ADAMTS19: variants seen among roughly 807,000 people sequenced by gnomAD.
ADAMTS19 encodes the protein ADAM metallopeptidase with thrombospondin type 1 motif 19.
Under a neutral mutation model 153.3 loss-of-function variants are expected in ADAMTS19, and 93 were observed. That is an observed-to-expected ratio of 0.61 (90% confidence interval 0.51 to 0.72). The LOEUF (loss-of-function observed/expected upper bound fraction) is 0.72, where lower values mean the gene tolerates loss of function less well. Among genes scored for constraint, ADAMTS19 ranks in the 30% least tolerant of loss-of-function variants. The pLI is 0.00. For synonymous variants in ADAMTS19, 600 were observed against 556.6 expected (o/e 1.08, Z -1.10); for missense variants, 1,482 against 1,552.1 (o/e 0.95, Z 0.76).
chr5:129,475,515 T>C (rs938967439), intron 2 of ADAMTS19, among the ~76,000 whole-genome samples: 1 of 152,218 alleles, frequency 6.6e-6, no homozygotes, highest in Non-Finnish European at 1.5e-5. Flanking sequence ...TTAAGTCCTT[T>C]AATTTTAATT....
intron 15 of ADAMTS19, among the ~76,000 whole-genome samples, chr5:129,662,887 C>CTTTTT (rs545012539): frequency 2.4e-5 from 3 of 125,418 alleles, no homozygotes; most frequent in African/African-American, 3.6e-5. Context: ...GATTCTTCTT[C>CTTTTT]ATTTTTTTTT....
Position 129,669,373 on chromosome 5 carries a change from T to C in ADAMTS19, c.2506+3794T>C, listed in dbSNP as rs551111333. On this transcript the variant is annotated intron_variant, in intron 16 of 22. Transcript: ENST00000274487. ...TGTTTTGGGAAGTTTGTACATTTCATCTAGGTTATCTAATTTATGGTCCTA... is the reference window on the plus strand; with the variant it reads ...TGTTTTGGGAAGTTTGTACATTTCACCTAGGTTATCTAATTTATGGTCCTA... Among the ~76,000 whole-genome samples, 3 of 152,242 alleles carry C rather than the reference T, an allele frequency of 2.0e-5. No homozygotes were observed. In the East Asian group the frequency reaches 5.8e-4, roughly 29 times the overall value.
intron 7 of ADAMTS19, among the ~76,000 whole-genome samples, chr5:129,590,294 A>G (rs1044258110): frequency 6.6e-6 from 1 of 152,132 alleles, no homozygotes; most frequent in Non-Finnish European, 1.5e-5. Context: ...GCACCTGGGA[A>G]TTATCTTTTC....
chr5:129,683,330 G>A (rs1754912749), intron 17 of ADAMTS19, among the ~76,000 whole-genome samples: 1 of 151,874 alleles, frequency 6.6e-6, no homozygotes, highest in Admixed American at 6.6e-5. Flanking sequence ...AAACAGACAT[G>A]GTCCCTGCAT....
At chr5:129,716,451 G>A (rs1197205355) in intron 21 of ADAMTS19, among the ~76,000 whole-genome samples, 1 of 152,032 alleles carries the variant, frequency 6.6e-6, no homozygotes, top group East Asian at 1.9e-4. Context: ...TGGCTGCCTT[G>A]GCTTCCCAAA....
At chr5:129,534,241 T>C (rs1024415828) in intron 6 of ADAMTS19, among the ~76,000 whole-genome samples, 1 of 152,140 alleles carries the variant, frequency 6.6e-6, no homozygotes, top group Non-Finnish European at 1.5e-5. Context: ...AGTCTCTTTG[T>C]AGGTCACTAA....
At chr5:129,647,719 C>T in intron 11 of ADAMTS19, 46 bp from the exon 12 acceptor site, 1 of 1,588,326 alleles carries the variant, frequency 6.3e-7, no homozygotes, top group Non-Finnish European at 8.6e-7. Flanking sequence ...GAATGATTTT[C>T]AGTTGTGCCC....
chr5:129,547,004 G>T lies in ADAMTS19; in HGVS notation c.1329-4860G>T, dbSNP rs535864505. Among the ~76,000 whole-genome samples, 140 of 151,004 alleles carry T rather than the reference G, an allele frequency of 9.3e-4. 2 individuals are homozygous for T. Among genetic ancestry groups the T allele is most frequent in the Non-Finnish European group, 1.5e-3 (105 of 68,006 alleles). On this transcript the variant is annotated intron_variant, in intron 6 of 22. Coordinates refer to ENST00000274487, the MANE Select transcript of ADAMTS19 (RefSeq NM_133638.6). Reference sequence around the variant, plus strand: ...AGCTTTAGACATTCTAAGGATATGTGGTAGGCAGGAAAAGTAACATCCCCT... The same window carrying T: ...AGCTTTAGACATTCTAAGGATATGTTGTAGGCAGGAAAAGTAACATCCCCT...
At chr5:129,580,088 T>G (rs1477093238) in intron 7 of ADAMTS19, among the ~76,000 whole-genome samples, 1 of 152,222 alleles carries the variant, frequency 6.6e-6, no homozygotes, top group East Asian at 1.9e-4. Context: ...TTTTTCCATT[T>G]GTTTGTGTCC....
intron 7 of ADAMTS19, among the ~76,000 whole-genome samples, chr5:129,591,920 GT>G (rs997443119): frequency 2.0e-5 from 3 of 152,094 alleles, no homozygotes; most frequent in Non-Finnish European, 4.4e-5. Context: ...ATCCTGGAGG[GT>G]TTTAGGAGTC....
chr5:129,595,885 C>G (rs1750351194), intron 7 of ADAMTS19, among the ~76,000 whole-genome samples: 1 of 151,830 alleles, frequency 6.6e-6, no homozygotes, highest in Non-Finnish European at 1.5e-5. Context: ...TAAAGAATAT[C>G]AAGGAGTTTA....
chr5:129,711,904 A>T (rs762614648), intron 21 of ADAMTS19, among the ~76,000 whole-genome samples: 2 of 152,092 alleles, frequency 1.3e-5, no homozygotes, highest in African/African-American at 2.4e-5. Context: ...TATACCAAAG[A>T]TCGCTTTTGC....
rs1319568270 is a variant in ADAMTS19, at chr5:129,658,312, AG to A, written c.2305-304del. Among the ~76,000 whole-genome samples, 104 of 25,120 alleles carry A rather than the reference AG, an allele frequency of 4.1e-3. 3 individuals carry two copies. The highest frequency in any genetic ancestry group is 8.6e-3 in the African/African-American group (95 of 11,002). 16.5% of individuals were successfully genotyped at this position (25,120 alleles called of 152,430 possible). On this transcript the variant is annotated intron_variant, in intron 14 of 22. Coordinates refer to ENST00000274487, the MANE Select transcript of ADAMTS19 (RefSeq NM_133638.6). ...AAGAAAAAGAAAGAAAGAAAGAAAA[AG>A]AAAGAAAGAAAGAAAGAAAGAAAGA...
At position 129,461,059 on chromosome 5, in the gene ADAMTS19, C is replaced by T; in HGVS notation, c.92-43C>T. On this transcript the variant is annotated intron_variant, in intron 1 of 22. Coordinates refer to ENST00000274487, the MANE Select transcript of ADAMTS19 (RefSeq NM_133638.6). This position sits in a 1 kb window ranked among gnomAD's most constrained non-coding sequence, Gnocchi z 4.6. ...TTGGAAATGTTTGTGCTACTGGAAC[C>T]GCGGCACTTTAAGCCCCGCACTTCT... 1 of 1,323,324 alleles carries T rather than the reference C, an allele frequency of 7.6e-7. No homozygotes were observed. The highest frequency in any genetic ancestry group is 9.6e-7 in the Non-Finnish European group (1 of 1,041,830). The allele number at this position is 1,323,324 out of a possible 1,614,324, so 82.0% of individuals were successfully genotyped here.
intron 7 of ADAMTS19, among the ~76,000 whole-genome samples, chr5:129,569,353 A>G (rs1227971494): frequency 6.6e-6 from 1 of 152,180 alleles, no homozygotes; most frequent in Admixed American, 6.6e-5. Flanking sequence ...CTGACAAACT[A>G]ACAGGAAAAA....
rs144175733 is a variant in ADAMTS19 at position 129,594,493 on chromosome 5, G to A, written c.1373-2066G>A. On this transcript the variant is annotated intron_variant, in intron 7 of 22. Coordinates refer to ENST00000274487, the MANE Select transcript of ADAMTS19 (RefSeq NM_133638.6). ...GCTTAATTTAGTATTTTGGGGGGAC[G>A]TTTAATCTCAAATTATTATTTTATT... Among the ~76,000 whole-genome samples the A allele has an allele frequency of 4.6e-3, 706 of 152,156 alleles. 5 individuals carry two copies. Among genetic ancestry groups the A allele is most frequent in the African/African-American group, 0.015 (643 of 41,536 alleles).
intron 6 of ADAMTS19, among the ~76,000 whole-genome samples, chr5:129,550,753 CAG>C (rs1343336195): frequency 4.0e-5 from 6 of 151,268 alleles, no homozygotes; most frequent in Admixed American, 2.0e-4. Context: ...GATCCTGTAA[CAG>C]AGAGGAAATT....
chr5:129,575,612 T>C (rs1051770502), intron 7 of ADAMTS19, among the ~76,000 whole-genome samples: 21 of 152,240 alleles, frequency 1.4e-4, no homozygotes, highest in African/African-American at 4.8e-4. Context: ...TATCTTTCTT[T>C]TAATTAACAT....
chr5:129,534,635 G>T (rs1029236696), intron 6 of ADAMTS19, among the ~76,000 whole-genome samples: 16 of 152,236 alleles, frequency 1.1e-4, no homozygotes, highest in Non-Finnish European at 1.3e-4. Flanking sequence ...GAGAATTTTA[G>T]ACCAATATCC....
Sources: allele counts gnomAD v4.1 joint callset (sites outside exome capture counted in the v4.1 genomes callset), GRCh38; gene constraint gnomAD v4.1.1; non-coding constraint Gnocchi (gnomAD v3.1); transcripts MANE v1.5; gene names NCBI Gene and HGNC (gene_info 2026-07-23, HGNC 2026-07-21).